Variants in NSMAF observed in about 807,000 individuals in gnomAD.
NSMAF encodes neutral sphingomyelinase activation associated factor.
A neutral mutation model predicts 134.9 loss-of-function variants in NSMAF; 90 were observed. The observed-to-expected ratio is 0.67, with a 90% CI of 0.56 to 0.79. The LOEUF (loss-of-function observed/expected upper bound fraction) is 0.79, where lower values mean the gene tolerates loss of function less well. NSMAF is among the 30% of genes least tolerant of loss of function. The probability of loss-of-function intolerance (pLI) is 0.00; values close to 1 mark genes in which losing one functional copy is unlikely to be tolerated. For synonymous variants in NSMAF, 358 were observed against 389.6 expected (o/e 0.92, Z 0.96); for missense variants, 1,010 against 1,119.0 (o/e 0.90, Z 1.39).
intron 24 of NSMAF, among the ~76,000 whole-genome samples, 173 bp downstream of exon 24, chr8:58,590,694 C>T (rs1285979287): frequency 6.6e-6 from 1 of 151,934 alleles, no homozygotes; most frequent in Non-Finnish European, 1.5e-5. Context: ...AAAGTGGTAA[C>T]CTGAAAAAAA....
At chr8:58,614,369 C>G (rs1371086848) in intron 9 of NSMAF, among the ~76,000 whole-genome samples, 3 of 152,134 alleles carry the variant, frequency 2.0e-5, no homozygotes, top group Non-Finnish European at 4.4e-5. Flanking sequence ...TTCTCTGTAA[C>G]TAGTGACTTC....
At chr8:58,591,988 C>G (rs1205146514) in intron 23 of NSMAF, among the ~76,000 whole-genome samples, 2 of 152,134 alleles carry the variant, frequency 1.3e-5, no homozygotes, top group East Asian at 1.9e-4. Flanking sequence ...GAATTCCTGA[C>G]AATTTATAAA....
At chr8:58,595,460 A>T (rs1230270595) in intron 22 of NSMAF, 100 bp downstream of exon 22, 1 of 773,498 alleles carries the variant, frequency 1.3e-6, no homozygotes, top group African/African-American at 1.7e-5. Flanking sequence ...TTGAAAGGGA[A>T]TTTTCCCTCT....
chr8:58,604,846 C>T (rs567421662), intron 12 of NSMAF, among the ~76,000 whole-genome samples: 93 of 152,160 alleles, frequency 6.1e-4, no homozygotes, highest in African/African-American at 2.1e-3. Context: ...CAGGCTCAAG[C>T]GATCCTCCCA....
intron 5 of NSMAF, among the ~76,000 whole-genome samples, chr8:58,632,173 T>C (rs370278981): frequency 6.6e-6 from 1 of 152,224 alleles, no homozygotes; most frequent in South Asian, 2.1e-4. Context: ...CTGTCAGATA[T>C]TCAAAAGCTT....
intron 9 of NSMAF, among the ~76,000 whole-genome samples, chr8:58,616,321 T>C (rs1474686150): frequency 6.6e-6 from 1 of 152,048 alleles, no homozygotes; most frequent in African/African-American, 2.4e-5. Context: ...ACAAGAGAAT[T>C]ACAGAGCAAT....
intron 1 of NSMAF, among the ~76,000 whole-genome samples, chr8:58,647,789 C>T (rs79088831): frequency 0.027 from 4,125 of 152,324 alleles, 205 homozygotes; most frequent in African/African-American, 0.093. Flanking sequence ...CATGAGCCAA[C>T]TAAGCCTCTT....
intron 10 of NSMAF, 94 bp from the exon 11 acceptor site, chr8:58,607,934 A>C: frequency 9.7e-7 from 1 of 1,028,954 alleles, no homozygotes. Flanking sequence ...AAATCACCAA[A>C]TCTTGCTTTC....
chr8:58,605,260 T>G (rs1806377739), intron 12 of NSMAF, among the ~76,000 whole-genome samples: 1 of 152,206 alleles, frequency 6.6e-6, no homozygotes, highest in Non-Finnish European at 1.5e-5. Flanking sequence ...AAAGTCAGTA[T>G]ATTGAGCATA....
intron 9 of NSMAF, among the ~76,000 whole-genome samples, chr8:58,613,207 ACAC>A (rs1806569749): frequency 6.6e-6 from 1 of 152,206 alleles, no homozygotes; most frequent in Non-Finnish European, 1.5e-5. Flanking sequence ...TTCTATGCAA[ACAC>A]ATATATGTAT....
At chr8:58,594,166 TA>T in intron 23 of NSMAF, 65 bp downstream of exon 23, 1 of 1,411,508 alleles carries the variant, frequency 7.1e-7, no homozygotes, top group Non-Finnish European at 1.0e-6. Flanking sequence ...GACCACGAGC[TA>T]AATAATAAAG....
intron 9 of NSMAF, 77 bp downstream of exon 9, chr8:58,623,143 C>T (rs1210767480): frequency 4.5e-6 from 5 of 1,122,916 alleles, no homozygotes; most frequent in Non-Finnish European, 6.7e-6. Flanking sequence ...TGACAGCAGG[C>T]TTGGATTTGC....
intron 26 of NSMAF, 43 bp from the exon 27 acceptor site, chr8:58,587,744 C>A (rs751407729): frequency 6.4e-7 from 1 of 1,559,156 alleles, no homozygotes; most frequent in South Asian, 1.1e-5. Flanking sequence ...AAACATTTAA[C>A]AAAAAGTCAT....
intron 2 of NSMAF, among the ~76,000 whole-genome samples, chr8:58,640,455 A>G (rs1769518681): frequency 6.6e-6 from 1 of 152,160 alleles, no homozygotes; most frequent in Non-Finnish European, 1.5e-5. Context: ...TACTTATTAA[A>G]TTGTTTTATC....
chr8:58,594,097 A>T, intron 23 of NSMAF, 135 bp downstream of exon 23: 1 of 684,974 alleles, frequency 1.5e-6, no homozygotes, highest in East Asian at 2.6e-5. Context: ...GTAATGTACC[A>T]CAAAGGAACT....
chr8:58,650,437 G>T (rs1039001685), intron 1 of NSMAF, among the ~76,000 whole-genome samples: 1 of 151,528 alleles, frequency 6.6e-6, no homozygotes, highest in Non-Finnish European at 1.5e-5. Flanking sequence ...TTATTTGCTA[G>T]CCTGATTTTC....
At chr8:58,655,724 G>A (rs1807690815) in intron 1 of NSMAF, among the ~76,000 whole-genome samples, 2 of 151,820 alleles carry the variant, frequency 1.3e-5, no homozygotes, top group African/African-American at 2.4e-5. Flanking sequence ...TGGCTAACAC[G>A]GTGAAACTCC....
In NSMAF at chr8:58,659,700, A is replaced by G. The variant is rs2129149688; in HGVS notation, c.-69T>C. ...GCCGCCGCCTGCCGAGGAGGTCCGGAGGAGCCGGGGAGGGCGGGATTGGTG... is the reference window on the plus strand; with the variant it reads ...GCCGCCGCCTGCCGAGGAGGTCCGGGGGAGCCGGGGAGGGCGGGATTGGTG... On this transcript the variant is annotated 5_prime_UTR_variant, in exon 1 of 31. Coordinates refer to ENST00000038176, the MANE Select transcript of NSMAF (RefSeq NM_003580.4). The G allele has an allele frequency of 7.9e-7, 1 of 1,269,942 alleles. No individual in the cohort carries two copies. Among genetic ancestry groups the G allele is most frequent in the East Asian group, 3.2e-5 (1 of 31,452 alleles). The allele number at this position is 1,269,942 out of a possible 1,614,324, so 78.7% of individuals were successfully genotyped here. A position where few individuals can be genotyped will look rare whatever the true frequency, so the allele number is the denominator to read the frequency against.
chr8:58,651,751 A>G (rs1326349069), intron 1 of NSMAF, among the ~76,000 whole-genome samples: 1 of 152,238 alleles, frequency 6.6e-6, no homozygotes, highest in East Asian at 1.9e-4. Context: ...AATTACTGTT[A>G]TCTAGCGCAG....
Sources: gnomAD v4.1 joint callset for allele counts (sites outside exome capture counted in the v4.1 genomes callset) on GRCh38, gnomAD v4.1.1 for gene constraint, MANE v1.5 for transcripts, NCBI Gene and HGNC (gene_info 2026-07-23, HGNC 2026-07-21) for gene names.